The following TMEM163 variants were observed in gnomAD, a reference collection of about 807,000 sequenced individuals.
TMEM163 encodes the protein transmembrane protein 163.
Under a neutral mutation model 29.3 loss-of-function variants are expected in TMEM163, and 17 were observed. That is an observed-to-expected ratio of 0.58 (90% CI 0.40 to 0.87). TMEM163 has a LOEUF of 0.87. Ranked by LOEUF, TMEM163 falls within the 40% of genes least tolerant of loss-of-function variation. The pLI, the probability that TMEM163 is intolerant of heterozygous loss-of-function variation, is 0.00. For missense variants in TMEM163, 303 were observed against 381.5 expected (o/e 0.79, Z 1.71); for synonymous variants, 157 against 160.6 (o/e 0.98, Z 0.17).
intron 4 of TMEM163, among the ~76,000 whole-genome samples, chr2:134,509,481 C>A (rs1343744572): frequency 6.6e-6 from 1 of 152,258 alleles, no homozygotes; most frequent in African/African-American, 2.4e-5. Context: ...CTCCAGGGAG[C>A]CCACCAAGCC....
chr2:134,533,132 A>G (rs1248855320), intron 4 of TMEM163, among the ~76,000 whole-genome samples: 2 of 152,214 alleles, frequency 1.3e-5, no homozygotes, highest in African/African-American at 4.8e-5. Flanking sequence ...AAATGTCATC[A>G]CAACATAAAA....
chr2:134,462,149 G>A (rs1686556548), intron 6 of TMEM163, among the ~76,000 whole-genome samples: 1 of 133,934 alleles, frequency 7.5e-6, no homozygotes, highest in African/African-American at 3.7e-5. Context: ...GGGGGGCATT[G>A]CCTCTGCTCT....
At chr2:134,505,239 C>CT (rs78772358) in intron 4 of TMEM163, among the ~76,000 whole-genome samples, 3,317 of 130,194 alleles carry the variant, frequency 0.025, 127 homozygotes, top group African/African-American at 0.089. Context: ...TGGGGAATTC[C>CT]TTTTTTTTTT....
intron 2 of TMEM163, among the ~76,000 whole-genome samples, chr2:134,655,464 A>G (rs1173372637): frequency 8.4e-6 from 1 of 118,986 alleles, no homozygotes; most frequent in Non-Finnish European, 1.7e-5. Flanking sequence ...TTTTTTTCAA[A>G]GTTTTCAACT....
At chr2:134,699,162 T>C (rs1684642144) in intron 2 of TMEM163, among the ~76,000 whole-genome samples, 1 of 152,230 alleles carries the variant, frequency 6.6e-6, no homozygotes, top group Non-Finnish European at 1.5e-5. Context: ...TAGCAGCAAT[T>C]ATTTTATTTT....
intron 4 of TMEM163, among the ~76,000 whole-genome samples, chr2:134,528,346 C>T (rs2106497928): frequency 6.6e-6 from 1 of 152,296 alleles, no homozygotes; most frequent in South Asian, 2.1e-4. Context: ...TTTTGTTCAG[C>T]TCACCTAGGT....
chr2:134,618,883 C>T (rs1299827187), intron 2 of TMEM163, among the ~76,000 whole-genome samples: 1 of 151,918 alleles, frequency 6.6e-6, no homozygotes, highest in Non-Finnish European at 1.5e-5. Flanking sequence ...GCATTCAATG[C>T]TTACATTAGA....
At chr2:134,530,514 T>C (rs941691322) in intron 4 of TMEM163, among the ~76,000 whole-genome samples, 5 of 152,160 alleles carry the variant, frequency 3.3e-5, no homozygotes, top group Admixed American at 6.5e-5. Context: ...TAGGCTCAAG[T>C]GATACTCCCA....
At chr2:134,658,888 C>T (rs1029878754) in intron 2 of TMEM163, among the ~76,000 whole-genome samples, 2 of 152,214 alleles carry the variant, frequency 1.3e-5, no homozygotes, top group Admixed American at 1.3e-4. Context: ...TAAGCCACAG[C>T]ACCCAGCCTG....
At chr2:134,673,456 C>A (rs1208673371) in intron 2 of TMEM163, among the ~76,000 whole-genome samples, 1 of 152,150 alleles carries the variant, frequency 6.6e-6, no homozygotes, top group Non-Finnish European at 1.5e-5. Context: ...AGCTAGGTCC[C>A]CAAACAGTGC....
chr2:134,632,145 T>C (rs1682982789), intron 2 of TMEM163, among the ~76,000 whole-genome samples: 1 of 151,902 alleles, frequency 6.6e-6, no homozygotes, highest in Non-Finnish European at 1.5e-5. Context: ...CAGAAAGAAG[T>C]GATAATACCA....
At chr2:134,480,113 C>T (rs774354210) in intron 5 of TMEM163, among the ~76,000 whole-genome samples, 22 of 152,334 alleles carry the variant, frequency 1.4e-4, no homozygotes, top group South Asian at 8.3e-4. Context: ...TTATAAGACA[C>T]GGTCTTTTCC....
intron 2 of TMEM163, among the ~76,000 whole-genome samples, chr2:134,648,967 C>T (rs1683402035): frequency 6.6e-6 from 1 of 152,072 alleles, no homozygotes; most frequent in Admixed American, 6.6e-5. Context: ...ACTAAGAAAT[C>T]GTTATATATC....
intron 4 of TMEM163, among the ~76,000 whole-genome samples, chr2:134,540,900 C>CCAAG (rs1680649509): frequency 6.6e-6 from 1 of 152,140 alleles, no homozygotes; most frequent in South Asian, 2.1e-4. Flanking sequence ...CTACTACATG[C>CCAAG]CAAGCATGAG....
intron 2 of TMEM163, among the ~76,000 whole-genome samples, chr2:134,616,552 A>G (rs1284263581): frequency 6.6e-6 from 1 of 152,232 alleles, no homozygotes; most frequent in Non-Finnish European, 1.5e-5. Context: ...AGTGGCTGGT[A>G]TCATCACTTA....
At chr2:134,470,232 C>T (rs751649083) in intron 5 of TMEM163, among the ~76,000 whole-genome samples, 5 of 152,014 alleles carry the variant, frequency 3.3e-5, no homozygotes, top group Admixed American at 6.6e-5. Context: ...TGGCGGGCGC[C>T]TGTAGTCCTA....
At chr2:134,500,948 T>C (rs1211494319) in intron 5 of TMEM163, among the ~76,000 whole-genome samples, 3 of 152,170 alleles carry the variant, frequency 2.0e-5, no homozygotes, top group African/African-American at 4.8e-5. Flanking sequence ...ATATAGGTTA[T>C]AATTGTATAA....
At position 134,574,718 on chromosome 2, in the gene TMEM163, G is replaced by A. The variant is rs568411377; in HGVS notation, c.323-22627C>T. ...AAATTATCTGAAGACCAAATGGGACGGTTAGCTCATTAACAGGATCCAGCA... is the reference window on the plus strand; with the variant it reads ...AAATTATCTGAAGACCAAATGGGACAGTTAGCTCATTAACAGGATCCAGCA... On this transcript the variant is annotated intron_variant, in intron 2 of 7. Coordinates refer to ENST00000281924, the MANE Select transcript of TMEM163 (RefSeq NM_030923.5). 1.4e-4 allele frequency among the ~76,000 whole-genome samples: 22 copies of A among 152,290 alleles called. No individual in the cohort carries two copies. In the East Asian group the frequency reaches 3.9e-3, roughly 27 times the overall value.
chr2:134,465,800 C>T (rs1300119386), intron 6 of TMEM163, among the ~76,000 whole-genome samples: 1 of 152,188 alleles, frequency 6.6e-6, no homozygotes, highest in Non-Finnish European at 1.5e-5. Flanking sequence ...GGGAGCAATG[C>T]ACATAAAACC....
Sources: gnomAD v4.1 joint callset for allele counts (sites outside exome capture counted in the v4.1 genomes callset) on GRCh38, gnomAD v4.1.1 for gene constraint, MANE v1.5 for transcripts, NCBI Gene and HGNC (gene_info 2026-07-23, HGNC 2026-07-21) for gene names.